Variants in DDX19B observed in about 807,000 individuals in gnomAD.
DDX19B encodes ATP-dependent RNA helicase DDX19B.
In DDX19B, 27 loss-of-function variants were observed where a neutral mutation model predicts 58.1. That is an observed-to-expected ratio of 0.46 (90% CI 0.34 to 0.64). The LOEUF is 0.64. Ranked by LOEUF, DDX19B falls within the 30% of genes least tolerant of loss-of-function variation. DDX19B has a pLI of 0.01. For missense variants in DDX19B, 399 were observed against 596.5 expected (o/e 0.67, Z 3.45); for synonymous variants, 187 against 214.4 (o/e 0.87, Z 1.12).
upstream of DDX19B, among the ~76,000 whole-genome samples, chr16:70,296,467 A>G (rs1175493506): frequency 6.6e-6 from 1 of 151,988 alleles, no homozygotes; most frequent in Non-Finnish European, 1.5e-5. Flanking sequence ...GTATAAAAGC[A>G]TATATGGGAG....
rs369165854 is a variant in DDX19B at position 70,332,925 on chromosome 16, T to A, written c.1187-43T>A. The A allele has an allele frequency of 1.5e-4, 243 of 1,613,680 alleles. 5 individuals are homozygous for A. The Middle Eastern group carries it at 7.9e-3, about 53-fold the overall frequency. ...GGATGGACCACATGACTGATTTGCC[T>A]CCTGTCCTTAGTCCTCTCAGCCTCC... On this transcript the variant is annotated intron_variant, in intron 10 of 11. Coordinates refer to ENST00000288071, the MANE Select transcript of DDX19B (RefSeq NM_007242.7).
intron 9 of DDX19B, among the ~76,000 whole-genome samples, chr16:70,330,908 GGT>G (rs1963449721): frequency 6.6e-6 from 1 of 151,988 alleles, no homozygotes; most frequent in South Asian, 2.1e-4. Context: ...AGCCAGGCGT[GGT>G]GGTGCATGCC....
At chr16:70,320,903 G>A (rs1465124437) in intron 5 of DDX19B, among the ~76,000 whole-genome samples, 3 of 150,486 alleles carry the variant, frequency 2.0e-5, no homozygotes, top group African/African-American at 7.3e-5. Flanking sequence ...ATGTTGCCCA[G>A]GCTGGTCTCA....
At chr16:70,330,173 T>C (rs574488319) in intron 9 of DDX19B, 105 bp downstream of exon 9, 2 of 1,342,134 alleles carry the variant, frequency 1.5e-6, no homozygotes, top group African/African-American at 1.5e-5. Flanking sequence ...AGAAACGAAG[T>C]GGTTTGTTCT....
intron 1 of DDX19B, among the ~76,000 whole-genome samples, chr16:70,307,515 A>C (rs1449083184): frequency 2.0e-5 from 3 of 151,898 alleles, no homozygotes; most frequent in African/African-American, 7.3e-5. Context: ...AGCACGTGCC[A>C]CCATGCCCAG....
In DDX19B at chr16:70,312,606, T is replaced by G; in HGVS notation, c.58-3T>G. Reference sequence around the variant, plus strand: ...TTCCCCCTCCCCCATATTCTCCATTTAGTTGAGCAACTTGCATCTTAAGGA... The same window carrying G: ...TTCCCCCTCCCCCATATTCTCCATTGAGTTGAGCAACTTGCATCTTAAGGA... On this transcript the variant is annotated splice_polypyrimidine_tract_variant and splice_region_variant and intron_variant, in intron 1 of 11. Transcript: ENST00000288071. The G allele has an allele frequency of 6.2e-7, 1 of 1,613,268 alleles. No individual in the cohort carries two copies. The highest frequency in any genetic ancestry group is 8.5e-7 in the Non-Finnish European group (1 of 1,179,382).
chr16:70,331,837 G>C lies in DDX19B; in HGVS notation c.1139G>C (p.Arg380Pro), dbSNP rs1374554801. Residue 380 changes from arginine to proline, a missense_variant, in exon 10 of 12, where the codon CGA becomes CCA. Around this residue, in one of 4 missense-constraint regions of DDX19B, gnomAD observed 198 missense variants for 345.9 expected, o/e 0.57. Transcript: ENST00000288071. ...EQRAAVIERFREGKEKVLVTT... is the reference protein window; with the variant it reads ...EQRAAVIERFPEGKEKVLVTT... ...AGGGCTGCAGTGATTGAGCGCTTCC[G>C]AGAGGGCAAAGAGAAGGTTTTGGTG... 1 of 1,614,084 alleles carries C rather than the reference G, an allele frequency of 6.2e-7. No homozygotes were observed.
chr16:70,307,975 C>T (rs912569274), intron 1 of DDX19B, among the ~76,000 whole-genome samples: 16 of 150,922 alleles, frequency 1.1e-4, no homozygotes, highest in African/African-American at 3.6e-4. Flanking sequence ...TATTTTGAGA[C>T]GGAGTCTCAC....
At chr16:70,304,027 G>T (rs1427408445) in intron 1 of DDX19B, among the ~76,000 whole-genome samples, 2 of 151,732 alleles carry the variant, frequency 1.3e-5, no homozygotes, top group South Asian at 4.2e-4. Flanking sequence ...TCTAATAAGG[G>T]GTATGCATTG....
At chr16:70,319,796 G>A (rs555157188) in intron 5 of DDX19B, 1 of 152,180 alleles carries the variant, frequency 6.6e-6, no homozygotes, top group South Asian at 2.1e-4. Flanking sequence ...GGAGGCTGAA[G>A]TAGGAGGATA....
At chr16:70,318,843 G>C (rs1303598906) in intron 5 of DDX19B, among the ~76,000 whole-genome samples, 1 of 149,230 alleles carries the variant, frequency 6.7e-6, no homozygotes, top group African/African-American at 2.5e-5. Flanking sequence ...AGTGGCTCAT[G>C]CCTGTAATCC....
intron 1 of DDX19B, among the ~76,000 whole-genome samples, chr16:70,303,145 T>G (rs1961563926): frequency 6.6e-6 from 1 of 152,188 alleles, no homozygotes; most frequent in Non-Finnish European, 1.5e-5. Context: ...GTTTTTGTTT[T>G]TGTTTTTTTT....
intron 1 of DDX19B, among the ~76,000 whole-genome samples, chr16:70,302,074 C>T (rs181643164): frequency 7.6e-4 from 116 of 152,150 alleles, no homozygotes; most frequent in Non-Finnish European, 1.2e-3. Context: ...GCATGTGCCA[C>T]CATGCCTGGC....
chr16:70,315,925 T>C, intron 3 of DDX19B, 44 bp from the exon 4 acceptor site: 1 of 1,602,924 alleles, frequency 6.2e-7, no homozygotes, highest in Non-Finnish European at 8.5e-7. Context: ...GCCTGGTAGG[T>C]TTCAAGGACT....
At chr16:70,290,636 C>T (rs1961036881), upstream of DDX19B, among the ~76,000 whole-genome samples, 1 of 152,176 alleles carries the variant, frequency 6.6e-6, no homozygotes, top group African/African-American at 2.4e-5. Flanking sequence ...GAAGTTGAGG[C>T]TGCAGTGAGC....
rs1597461251 is a variant in DDX19B at position 70,299,362 on chromosome 16, G to A, written c.57+8G>A. On this transcript the variant is annotated splice_region_variant and intron_variant, in intron 1 of 11. Transcript: ENST00000288071. ...GAAGCTGCGGCTGAGTCGGTGAGTT[G>A]GCTTCAGCCCTAAAAGGGTCAGGGG... 1 of 1,605,750 alleles carries A rather than the reference G, an allele frequency of 6.2e-7. No individual in the cohort carries two copies. The highest frequency in any genetic ancestry group is 8.5e-7 in the Non-Finnish European group (1 of 1,176,536).
chr16:70,329,598 G>A (rs1046050015), intron 8 of DDX19B, 129 bp downstream of exon 8: 43 of 1,419,978 alleles, frequency 3.0e-5, no homozygotes, highest in Middle Eastern at 2.5e-4. Flanking sequence ...TTTGTTTGAC[G>A]GGCCACTTCC....
upstream of DDX19B, among the ~76,000 whole-genome samples, chr16:70,296,530 C>T (rs1338860082): frequency 6.6e-6 from 1 of 152,030 alleles, no homozygotes; most frequent in African/African-American, 2.4e-5. Context: ...AGTGAACCTA[C>T]TATATACGGT....
chr16:70,301,219 G>T (rs950927939), intron 1 of DDX19B, among the ~76,000 whole-genome samples: 1 of 152,074 alleles, frequency 6.6e-6, no homozygotes, highest in Non-Finnish European at 1.5e-5. Flanking sequence ...CCATCTGTCA[G>T]CTTTCTGGAG....
Sources: allele counts gnomAD v4.1 joint callset (sites outside exome capture counted in the v4.1 genomes callset), GRCh38; gene constraint gnomAD v4.1.1; regional missense constraint gnomAD v4.1.1; transcripts MANE v1.5; gene names NCBI Gene and HGNC (gene_info 2026-07-23, HGNC 2026-07-21).